The following ADGRB3 variants were observed in gnomAD, a reference collection of about 807,000 sequenced individuals.
ADGRB3 encodes the protein adhesion G protein-coupled receptor B3.
Under a neutral mutation model 193.4 loss-of-function variants are expected in ADGRB3, and 37 were observed. The observed-to-expected ratio is 0.19, with a 90% CI of 0.15 to 0.25. ADGRB3 has a LOEUF of 0.25. Among genes scored for constraint, ADGRB3 ranks in the 10% least tolerant of loss-of-function variants. The pLI, the probability that ADGRB3 is intolerant of heterozygous loss-of-function variation, is 1.00. For synonymous variants in ADGRB3, 690 were observed against 644.2 expected, an observed-to-expected ratio of 1.07 and a Z score of -1.08; for missense variants, 1,637 against 1,852.9, an observed-to-expected ratio of 0.88 and a Z score of 2.14.
intron 16 of ADGRB3, among the ~76,000 whole-genome samples, chr6:69,067,162 A>T (rs1042670321): frequency 1.7e-4 from 26 of 151,934 alleles, no homozygotes; most frequent in Admixed American, 1.3e-3. Context: ...TGGCTTTTAA[A>T]TTTTTTTTCC....
At chr6:69,359,906 T>C (rs1166001334) in intron 28 of ADGRB3, among the ~76,000 whole-genome samples, 1 of 152,030 alleles carries the variant, frequency 6.6e-6, no homozygotes, top group Non-Finnish European at 1.5e-5. Flanking sequence ...AAACTGATGA[T>C]TGTTCATAAC....
chr6:68,823,647 A>C (rs1308707243), intron 3 of ADGRB3, among the ~76,000 whole-genome samples: 1 of 152,060 alleles, frequency 6.6e-6, no homozygotes, highest in East Asian at 1.9e-4. Flanking sequence ...AGTGACTAAC[A>C]ATCTTGATGC....
chr6:69,151,442 T>C (rs1047789612), intron 17 of ADGRB3, among the ~76,000 whole-genome samples: 12 of 152,188 alleles, frequency 7.9e-5, no homozygotes, highest in Admixed American at 7.9e-4. Context: ...ATACAGATTC[T>C]CTGAACCACA....
chr6:69,388,676 G>A (rs1321318150), intron 31 of ADGRB3, 27 bp from the exon 32 acceptor site: 2 of 1,594,506 alleles, frequency 1.3e-6, no homozygotes, highest in Non-Finnish European at 1.7e-6. Context: ...TCACATAAAT[G>A]ACTCTCTTTC....
intron 3 of ADGRB3, among the ~76,000 whole-genome samples, chr6:68,670,511 T>A (rs1768925765): frequency 6.6e-6 from 1 of 151,966 alleles, no homozygotes; most frequent in Non-Finnish European, 1.5e-5. Flanking sequence ...CCAGTAACAT[T>A]TTTTGAAAAG....
At chr6:69,128,129 C>G (rs9454704) in intron 17 of ADGRB3, among the ~76,000 whole-genome samples, 1 of 151,908 alleles carries the variant, frequency 6.6e-6, no homozygotes, top group East Asian at 1.9e-4. Flanking sequence ...ACCCAATCTG[C>G]GAAAGGTGCC....
At chr6:69,061,385 C>T (rs1342481487) in intron 15 of ADGRB3, among the ~76,000 whole-genome samples, 2 of 151,764 alleles carry the variant, frequency 1.3e-5, no homozygotes, top group East Asian at 3.9e-4. Context: ...AAAAACAAAT[C>T]TCAAAAAAAG....
intron 3 of ADGRB3, among the ~76,000 whole-genome samples, chr6:68,863,620 A>G (rs1765215836): frequency 6.6e-6 from 1 of 152,138 alleles, no homozygotes; most frequent in Admixed American, 6.5e-5. Flanking sequence ...ACAGTACATA[A>G]AAGGCATTTA....
rs566947500 is a variant in ADGRB3, at chr6:68,914,347, G to A, written c.758-16212G>A. Among the ~76,000 whole-genome samples, 14 of 152,224 alleles carry A rather than the reference G, an allele frequency of 9.2e-5. No individual in the cohort carries two copies. In the South Asian group the frequency reaches 1.2e-3, roughly 14 times the overall value. On this transcript the variant is annotated intron_variant, in intron 3 of 31. Transcript: ENST00000370598. The stretch of plus-strand genomic sequence containing the variant: ...CCATCAGACTAACAGCGGATCTCTC[G>A]GCAGAAACTCTACAAGCCAGAAGAG...
intron 10 of ADGRB3, among the ~76,000 whole-genome samples, chr6:68,975,818 G>T (rs1768727292): frequency 6.6e-6 from 1 of 152,162 alleles, no homozygotes; most frequent in Non-Finnish European, 1.5e-5. Flanking sequence ...TTGCACCAGA[G>T]AAACTTAATT....
intron 17 of ADGRB3, among the ~76,000 whole-genome samples, chr6:69,082,910 C>A (rs980903641): frequency 2.0e-5 from 3 of 152,106 alleles, no homozygotes; most frequent in African/African-American, 7.2e-5. Context: ...AAAAACAATT[C>A]GTATTTGCCT....
intron 10 of ADGRB3, among the ~76,000 whole-genome samples, chr6:68,980,652 C>A (rs1768882813): frequency 6.6e-6 from 1 of 151,520 alleles, no homozygotes; most frequent in Non-Finnish European, 1.5e-5. Flanking sequence ...CTTATTGTTT[C>A]TTCAATGAGC....
intron 20 of ADGRB3, among the ~76,000 whole-genome samples, chr6:69,245,981 C>G (rs1025436679): frequency 2.0e-5 from 3 of 151,950 alleles, no homozygotes; most frequent in East Asian, 1.9e-4. Context: ...GTTAGTCTTA[C>G]GAAAAGTAGA....
At chr6:68,880,487 C>CA (rs1765703588) in intron 3 of ADGRB3, among the ~76,000 whole-genome samples, 1 of 152,038 alleles carries the variant, frequency 6.6e-6, no homozygotes, top group Non-Finnish European at 1.5e-5. Flanking sequence ...TTTGCCATCC[C>CA]ACCCTCCAAA....
rs527837565 is a variant in ADGRB3, at chr6:69,317,216, G to A, written c.2815-7656G>A. Among the ~76,000 whole-genome samples, 35 of 151,596 alleles carry A rather than the reference G, an allele frequency of 2.3e-4. No homozygotes were observed. The South Asian group carries it at 7.1e-3, about 31-fold the overall frequency. ...TGGGTGAGTGGGCTTTTGAAAGGTAGCCTTCACAGTACGTACATCAAAGAT... is the reference window on the plus strand; with the variant it reads ...TGGGTGAGTGGGCTTTTGAAAGGTAACCTTCACAGTACGTACATCAAAGAT... On this transcript the variant is annotated intron_variant, in intron 20 of 31. Transcript: ENST00000370598.
At chr6:68,686,655 G>A (rs1764987929) in intron 3 of ADGRB3, among the ~76,000 whole-genome samples, 1 of 152,192 alleles carries the variant, frequency 6.6e-6, no homozygotes, top group African/African-American at 2.4e-5. Flanking sequence ...AACCAACTGA[G>A]ATATCTAAGA....
intron 16 of ADGRB3, among the ~76,000 whole-genome samples, chr6:69,063,410 C>CA (rs1291197902): frequency 6.6e-6 from 1 of 152,022 alleles, no homozygotes; most frequent in Non-Finnish European, 1.5e-5. Context: ...AGCCTGTTAA[C>CA]TGTAGTGGTG....
intron 20 of ADGRB3, among the ~76,000 whole-genome samples, chr6:69,274,445 T>TTTCCTTCCTTCCTTCCTTCGTTCCTTCC (rs1767248265): frequency 8.1e-6 from 1 of 123,338 alleles, no homozygotes; most frequent in Non-Finnish European, 1.7e-5. Context: ...GGTGGTTGCA[T>TTTCCTTCCTTCCTTCCTTCGTTCCTTCC]TTCCTTCCTT....
intron 20 of ADGRB3, among the ~76,000 whole-genome samples, chr6:69,275,972 T>C (rs1476028464): frequency 1.3e-5 from 2 of 152,194 alleles, no homozygotes; most frequent in African/African-American, 4.8e-5. Flanking sequence ...CATTCTCCTC[T>C]TTTCCTTTAA....
Sources: gnomAD v4.1 joint callset for allele counts (sites outside exome capture counted in the v4.1 genomes callset) on GRCh38, gnomAD v4.1.1 for gene constraint, MANE v1.5 for transcripts, NCBI Gene and HGNC (gene_info 2026-07-23, HGNC 2026-07-21) for gene names.